The following WDPCP variants were observed in gnomAD, a reference collection of about 807,000 sequenced individuals.
WDPCP encodes WD repeat containing planar cell polarity effector.
In WDPCP, 71 loss-of-function variants were observed where a neutral mutation model predicts 93.1. The ratio of observed to expected loss-of-function variants is 0.76; its 90% CI spans 0.63 to 0.93. The LOEUF (loss-of-function observed/expected upper bound fraction) is 0.93, where lower values mean the gene tolerates loss of function less well. Ranked by LOEUF, WDPCP falls within the 40% of genes least tolerant of loss-of-function variation. The probability of loss-of-function intolerance (pLI) is 0.00; values close to 1 mark genes in which losing one functional copy is unlikely to be tolerated. For missense variants in WDPCP, 844 were observed against 887.4 expected (o/e 0.95, Z 0.62); for synonymous variants, 315 against 315.0 (o/e 1.00, Z 0.00).
intron 14 of WDPCP, among the ~76,000 whole-genome samples, chr2:63,186,811 G>A (rs867017698): frequency 7.5e-6 from 1 of 132,568 alleles, no homozygotes; most frequent in Non-Finnish European, 1.6e-5. Flanking sequence ...GTGTGTGTGT[G>A]TTTTTTTTTT....
intron 9 of WDPCP, among the ~76,000 whole-genome samples, chr2:63,409,729 AAC>A (rs1353621831): frequency 4.6e-5 from 7 of 152,192 alleles, no homozygotes; most frequent in African/African-American, 1.7e-4. Flanking sequence ...AAACATTGGA[AAC>A]ACTTATAGAA....
intron 2 of WDPCP, among the ~76,000 whole-genome samples, chr2:63,775,983 G>A (rs941709422): frequency 6.6e-6 from 1 of 152,028 alleles, no homozygotes; most frequent in Non-Finnish European, 1.5e-5. Context: ...AGAACTGCTT[G>A]AGCCCAAGAG....
At chr2:63,695,591 A>G (rs1341045648) in intron 2 of WDPCP, among the ~76,000 whole-genome samples, 1 of 152,224 alleles carries the variant, frequency 6.6e-6, no homozygotes, top group Admixed American at 6.5e-5. Flanking sequence ...ACTAGTCTTA[A>G]GAGAGGTGGA....
At chr2:63,589,167 CA>C, upstream of WDPCP, 1 of 1,610,490 alleles carries the variant, frequency 6.2e-7, no homozygotes, top group Non-Finnish European at 8.5e-7. Flanking sequence ...CGCCCTTTGG[CA>C]AGCTCGGACT....
Position 63,529,074 on chromosome 2 carries a change from G to T in WDPCP, c.76-36134C>A, listed in dbSNP as rs1389860779. Among the ~76,000 whole-genome samples, 12 of 152,172 alleles carry T rather than the reference G, an allele frequency of 7.9e-5. 1 individual carries two copies. The highest frequency in any genetic ancestry group is 7.9e-4 in the Admixed American group (12 of 15,274). On this transcript the variant is annotated intron_variant, in intron 1 of 17. Transcript: ENST00000272321. The stretch of plus-strand genomic sequence containing the variant: ...TTTGCACATTGATTTTGTATCCTGA[G>T]ACTTTGCTGAAGTTGCTTATCAGCT...
intron 13 of WDPCP, among the ~76,000 whole-genome samples, chr2:63,270,281 T>C (rs1161583224): frequency 6.6e-6 from 1 of 152,226 alleles, no homozygotes; most frequent in Non-Finnish European, 1.5e-5. Flanking sequence ...TTGTATATTC[T>C]CATGTTAGAA....
chr2:63,636,548 ATC>A (rs1238230809), intron 3 of WDPCP, among the ~76,000 whole-genome samples: 1 of 152,098 alleles, frequency 6.6e-6, no homozygotes, highest in Non-Finnish European at 1.5e-5. Flanking sequence ...ACATCCTCCT[ATC>A]TCAGCCTCCC....
chr2:63,200,411 T>G (rs768592796), intron 14 of WDPCP, among the ~76,000 whole-genome samples: 1 of 152,164 alleles, frequency 6.6e-6, no homozygotes, highest in Non-Finnish European at 1.5e-5. Flanking sequence ...GCAATGTTGT[T>G]CACAGGAGCC....
chr2:63,601,402 TGATAAGGTAATTTGACATTGATACCA>T (rs1322687160), intron 3 of WDPCP, among the ~76,000 whole-genome samples: 1 of 152,210 alleles, frequency 6.6e-6, no homozygotes, highest in East Asian at 1.9e-4. Context: ...TTATGTCTGC[TGATAAGGTAATTTGACATTGATACCA>T]GATAAGGTAA....
intron 2 of WDPCP, among the ~76,000 whole-genome samples, chr2:63,713,073 A>T (rs1473087731): frequency 1.3e-5 from 2 of 152,224 alleles, no homozygotes; most frequent in African/African-American, 4.8e-5. Context: ...TCTGAATTAC[A>T]ACATGGCAGG....
intron 14 of WDPCP, among the ~76,000 whole-genome samples, chr2:63,177,830 T>C (rs1458782894): frequency 6.6e-6 from 1 of 152,174 alleles, no homozygotes; most frequent in Non-Finnish European, 1.5e-5. Context: ...TTTTTCACCA[T>C]TGAGACTGAT....
At chr2:63,300,315 C>A (rs754419225) in intron 13 of WDPCP, among the ~76,000 whole-genome samples, 2 of 152,118 alleles carry the variant, frequency 1.3e-5, no homozygotes, top group Non-Finnish European at 2.9e-5. Context: ...ATAATGGGAA[C>A]CTTGTCTAGG....
intron 14 of WDPCP, among the ~76,000 whole-genome samples, chr2:63,225,160 C>G (rs1291312946): frequency 6.6e-6 from 1 of 151,318 alleles, no homozygotes; most frequent in African/African-American, 2.4e-5. Flanking sequence ...ATACATTTAA[C>G]AAAAGATTTG....
chr2:63,828,106 T>C (rs1222608235), upstream of WDPCP, among the ~76,000 whole-genome samples: 3 of 152,038 alleles, frequency 2.0e-5, no homozygotes, highest in Non-Finnish European at 4.4e-5. Context: ...GAGAAATCTG[T>C]CTTTTCTCCC....
At chr2:63,651,964 C>T (rs907764301) in intron 2 of WDPCP, among the ~76,000 whole-genome samples, 1 of 152,152 alleles carries the variant, frequency 6.6e-6, no homozygotes, top group Admixed American at 6.5e-5. Flanking sequence ...AATAACTTTC[C>T]TCAAGGATAT....
Position 63,588,389 on chromosome 2 carries a change from C to T in WDPCP, c.-118G>A, listed in dbSNP as rs1398538677. 2 of 1,215,500 alleles carry T rather than the reference C, an allele frequency of 1.6e-6. No homozygotes were observed. Among genetic ancestry groups the T allele is most frequent in the African/African-American group, 1.5e-5 (1 of 66,524 alleles). The allele number at this position is 1,215,500 out of a possible 1,614,324, so 75.3% of individuals were successfully genotyped here. A position where few individuals can be genotyped will look rare whatever the true frequency, so the allele number is the denominator to read the frequency against. On this transcript the variant is annotated 5_prime_UTR_variant, in exon 1 of 18. Transcript: ENST00000272321. ...ACGCCGCCGCCGCCGCCACAGTTTC[C>T]TCAGGTGCTACAAAGCAGCCAGGGT...
chr2:63,291,252 C>T (rs1318922337), intron 13 of WDPCP, among the ~76,000 whole-genome samples: 1 of 152,112 alleles, frequency 6.6e-6, no homozygotes, highest in African/African-American at 2.4e-5. Flanking sequence ...TCTTTTCAAT[C>T]ATTATGTTCA....
At chr2:63,262,329 C>T (rs918113679) in intron 13 of WDPCP, among the ~76,000 whole-genome samples, 1 of 152,068 alleles carries the variant, frequency 6.6e-6, no homozygotes, top group Non-Finnish European at 1.5e-5. Context: ...CAGACATACA[C>T]ATGTTTATAC....
intron 2 of WDPCP, among the ~76,000 whole-genome samples, chr2:63,779,490 A>G (rs1013335508): frequency 1.3e-5 from 2 of 152,166 alleles, no homozygotes; most frequent in Non-Finnish European, 2.9e-5. Flanking sequence ...GAAATAAGGC[A>G]TTGCTTGTCC....
Sources: gnomAD v4.1 joint callset for allele counts (sites outside exome capture counted in the v4.1 genomes callset) on GRCh38, gnomAD v4.1.1 for gene constraint, MANE v1.5 for transcripts, NCBI Gene and HGNC (gene_info 2026-07-23, HGNC 2026-07-21) for gene names.